The following TACC2 variants were observed in gnomAD, a reference collection of about 807,000 sequenced individuals.
TACC2 encodes transforming acidic coiled-coil-containing protein 2.
In TACC2, 137 loss-of-function variants were observed where a neutral mutation model predicts 227.3. That is an observed-to-expected ratio of 0.60 (90% CI 0.52 to 0.69). The LOEUF (loss-of-function observed/expected upper bound fraction) is 0.69. Ranked by LOEUF, TACC2 falls within the 30% of genes least tolerant of loss-of-function variation. The pLI is 0.00. For synonymous variants in TACC2, 1,523 were observed against 1,487.5 expected (o/e 1.02, Z -0.55); for missense variants, 3,470 against 3,694.4 (o/e 0.94, Z 1.57).
intron 3 of TACC2, chr10:122,052,014 C>G (rs1444908317): frequency 1.3e-5 from 2 of 152,144 alleles, no homozygotes; most frequent in East Asian, 3.9e-4. Context: ...CTATTCTCTG[C>G]TAAAGATGGT....
At chr10:122,107,876 A>ATTTTTTTTTTTTTTTT (rs1464725854) in intron 5 of TACC2, among the ~76,000 whole-genome samples, 1 of 85,582 alleles carries the variant, frequency 1.2e-5, no homozygotes, top group African/African-American at 4.5e-5. Context: ...ATATATATAT[A>ATTTTTTTTTTTTTTTT]TATATTTTTT....
At chr10:122,079,759 A>G (rs1163516348) in intron 3 of TACC2, among the ~76,000 whole-genome samples, 1 of 152,210 alleles carries the variant, frequency 6.6e-6, no homozygotes, top group Non-Finnish European at 1.5e-5. Flanking sequence ...TCAGATGTCC[A>G]TGTTGAGATC....
chr10:122,148,611 T>C (rs1251617228), intron 7 of TACC2, among the ~76,000 whole-genome samples: 1 of 152,232 alleles, frequency 6.6e-6, no homozygotes, highest in African/African-American at 2.4e-5. Context: ...ACCTGGTGTA[T>C]TGACAAAGAA....
At chr10:122,170,100 C>T (rs2093391734) in intron 7 of TACC2, among the ~76,000 whole-genome samples, 1 of 151,886 alleles carries the variant, frequency 6.6e-6, no homozygotes, top group African/African-American at 2.4e-5. Flanking sequence ...TCCTGGATAG[C>T]TCAGGCTCAA....
chr10:122,034,686 C>G (rs1959659517), intron 2 of TACC2, among the ~76,000 whole-genome samples: 1 of 152,100 alleles, frequency 6.6e-6, no homozygotes, highest in Non-Finnish European at 1.5e-5. Flanking sequence ...AATCTCAGCA[C>G]TTTGGGAGGC....
rs71022877 is a variant in TACC2 at position 122,008,264 on chromosome 10, A to AT, written c.-45-13661dup. The stretch of plus-strand genomic sequence containing the variant: ...TCCCTTTGTTATTATTATTATTATT[A>AT]TTTTTTTTTTTTGAGACAGAATTTT... On this transcript the variant is annotated intron_variant, in intron 1 of 22. Transcript: ENST00000369005. Among the ~76,000 whole-genome samples, 145 of 134,660 alleles carry AT rather than the reference A, an allele frequency of 1.1e-3. 1 individual carries two copies. Among genetic ancestry groups the AT allele is most frequent in the Middle Eastern group, 3.7e-3 (1 of 272 alleles). 88.3% of individuals were successfully genotyped at this position (134,660 alleles called of 152,430 possible). A position where few individuals can be genotyped will look rare whatever the true frequency, so the allele number is the denominator to read the frequency against.
intron 1 of TACC2, among the ~76,000 whole-genome samples, chr10:122,004,397 C>CAAA (rs140584119): frequency 9.6e-6 from 1 of 104,146 alleles, no homozygotes. Context: ...GACTCTGTCT[C>CAAA]AAAAAAAAAA....
At chr10:122,229,844 T>G (rs1005615369) in intron 15 of TACC2, among the ~76,000 whole-genome samples, 7 of 152,174 alleles carry the variant, frequency 4.6e-5, no homozygotes, top group Non-Finnish European at 7.3e-5. Flanking sequence ...CGTGGCTATC[T>G]CAGACTCCCA....
At chr10:122,049,906 G>A (rs1050761277) in intron 2 of TACC2, among the ~76,000 whole-genome samples, 8 of 152,104 alleles carry the variant, frequency 5.3e-5, no homozygotes, top group South Asian at 2.1e-4. Flanking sequence ...TGAAAGAAAA[G>A]GTGACCAACT....
At chr10:121,990,738 G>C (rs1482844130) in intron 1 of TACC2, among the ~76,000 whole-genome samples, 1 of 152,086 alleles carries the variant, frequency 6.6e-6, no homozygotes, top group Non-Finnish European at 1.5e-5. Context: ...TCTCCAGTTT[G>C]CCACATTATT....
chr10:122,023,874 G>T (rs1457957090), intron 2 of TACC2: 1 of 151,578 alleles, frequency 6.6e-6, no homozygotes, highest in Admixed American at 6.6e-5. Context: ...AAGTGCTCTG[G>T]CAAACAGGGA....
intron 7 of TACC2, among the ~76,000 whole-genome samples, chr10:122,151,938 A>G (rs781421388): frequency 1.1e-4 from 17 of 151,986 alleles, no homozygotes; most frequent in African/African-American, 3.4e-4. Flanking sequence ...GGAGGTGACT[A>G]CTCCCAGGCT....
rs192162269 is a variant in TACC2 at position 122,079,401 on chromosome 10, G to A, written c.147-3246G>A. Among the ~76,000 whole-genome samples, 8 of 152,256 alleles carry A rather than the reference G, an allele frequency of 5.3e-5. No homozygotes were observed. In the East Asian group the frequency reaches 9.7e-4, roughly 18 times the overall value. On this transcript the variant is annotated intron_variant, in intron 3 of 22. Coordinates refer to ENST00000369005, the MANE Select transcript of TACC2 (RefSeq NM_206862.4). ...TGTCTTCCGTGACCATTTGTGAATC[G>A]GAGGGTTTTATATAATTTACCCTCT... is the stretch of plus-strand genomic sequence containing the variant.
At chr10:122,211,841 G>T in intron 9 of TACC2, 133 bp downstream of exon 9, 1 of 692,508 alleles carries the variant, frequency 1.4e-6, no homozygotes. Flanking sequence ...CCACGCTTAC[G>T]GCCGTTGCAC....
chr10:122,230,380 A>G lies in TACC2; in HGVS notation c.8067A>G (p.Ile2689Met), dbSNP rs532141781. ...AGTTAGAGTTTGCCATCATGCGGAT[A>G]GAAGCCCTGAAGCTGGCCAGGCAGA... is the stretch of plus-strand genomic sequence containing the variant. ...QEELEFAIMR[I>M]EALKLARQIA... Residue 2689 changes from isoleucine (I) to methionine (M), a missense_variant, in exon 16 of 23, where the codon ATA (isoleucine) becomes ATG (methionine). Ile to Met is a conservative substitution (Grantham distance 10). This residue lies in a region of TACC2 where 345 missense variants were observed against 354.4 expected (regional missense o/e 0.97). Coordinates refer to ENST00000369005, the MANE Select transcript of TACC2 (RefSeq NM_206862.4). The G allele has an allele frequency of 1.2e-5, 20 of 1,614,118 alleles. No individual in the cohort carries two copies. Among genetic ancestry groups the G allele is most frequent in the Non-Finnish European group, 1.6e-5 (19 of 1,180,052 alleles).
chr10:122,125,818 C>T (rs1368893836), intron 5 of TACC2, among the ~76,000 whole-genome samples: 8 of 126,564 alleles, frequency 6.3e-5, no homozygotes, highest in African/African-American at 8.1e-5. Flanking sequence ...GCTCTGTTGT[C>T]CAGGCTGGAG....
intron 19 of TACC2, chr10:122,248,267 G>A (rs764712404): frequency 3.5e-5 from 7 of 197,834 alleles, no homozygotes; most frequent in South Asian, 1.1e-4. Context: ...TCGTCCCAAC[G>A]CAAAATTCAC....
chr10:122,076,749 T>G (rs1044740458), intron 3 of TACC2, among the ~76,000 whole-genome samples: 1 of 151,944 alleles, frequency 6.6e-6, no homozygotes, highest in African/African-American at 2.4e-5. Flanking sequence ...GGGCCTCAGT[T>G]TCCTCATTTG....
chr10:122,237,587 C>T (rs759896576), intron 17 of TACC2, 49 bp downstream of exon 17: 12 of 1,577,052 alleles, frequency 7.6e-6, no homozygotes, highest in East Asian at 4.5e-5. Context: ...CTTATAAATA[C>T]GTATGCTCGT....
Sources: gnomAD v4.1 joint callset for allele counts (sites outside exome capture counted in the v4.1 genomes callset) on GRCh38, gnomAD v4.1.1 for gene constraint, gnomAD v4.1.1 regional missense constraint, MANE v1.5 for transcripts, NCBI Gene and HGNC (gene_info 2026-07-23, HGNC 2026-07-21) for gene names.